The following CHRNE variants were observed in gnomAD, a reference collection of about 807,000 sequenced individuals.
CHRNE encodes the protein acetylcholine receptor subunit epsilon.
In CHRNE, 58 loss-of-function variants were observed where a neutral mutation model predicts 56.5. The observed-to-expected ratio is 1.03, with a 90% CI of 0.83 to 1.28. The LOEUF (loss-of-function observed/expected upper bound fraction) is 1.28, where lower values mean the gene tolerates loss of function less well. Ranked by LOEUF, CHRNE falls within the 50% of genes most tolerant of loss-of-function variation. The pLI is 0.00. For synonymous variants in CHRNE, 385 were observed against 297.9 expected, an observed-to-expected ratio of 1.29 and a Z score of -3.01; for missense variants, 793 against 688.9, an observed-to-expected ratio of 1.15 and a Z score of -1.69.
At chr17:4,908,055 A>G (rs7210187), upstream of CHRNE, among the ~76,000 whole-genome samples, 14,638 of 152,212 alleles carry the variant, frequency 0.096, 720 homozygotes, top group African/African-American at 0.11. Flanking sequence ...CTGTAATCCC[A>G]GCTACTCGGG....
chr17:4,901,467 A>C (rs1969981980), intron 6 of CHRNE, 58 bp downstream of exon 6: 1 of 1,518,078 alleles, frequency 6.6e-7, no homozygotes, highest in Non-Finnish European at 9.2e-7. Context: ...CCACCGTGGA[A>C]GTCCCCTCTC....
upstream of CHRNE, among the ~76,000 whole-genome samples, chr17:4,904,351 C>G (rs982892677): frequency 6.6e-6 from 1 of 152,124 alleles, no homozygotes. Context: ...GTGTGAGCCA[C>G]CACGCCCGGC....
In CHRNE at chr17:4,899,294, C is replaced by CCGA. The variant is rs1567636413; in HGVS notation, c.1120_1122dup (p.Ser374dup). 1 of 1,594,498 alleles carries CCGA rather than the reference C, an allele frequency of 6.3e-7. No homozygotes were observed. The highest frequency in any genetic ancestry group is 8.5e-7 in the Non-Finnish European group (1 of 1,176,020). On this transcript the variant is annotated inframe_insertion, in exon 10 of 12. Transcript: ENST00000649488. ...TCCTCCGCGCGGAGCAATAAGCCCA[C>CCGA]CGACGACGCCCGCCTTGGGGGCGAG...
At chr17:4,908,427 C>T (rs1970116590) in intron 1 of CHRNE, among the ~76,000 whole-genome samples, 1 of 152,072 alleles carries the variant, frequency 6.6e-6, no homozygotes, top group African/African-American at 2.4e-5. Context: ...TGCCACTTCC[C>T]ACATCACAGC....
upstream of CHRNE, among the ~76,000 whole-genome samples, chr17:4,906,156 T>G (rs957290097): frequency 2.6e-5 from 4 of 152,200 alleles, no homozygotes; most frequent in Non-Finnish European, 4.4e-5. Context: ...GCACTTTTGT[T>G]CCCGTTGCTA....
intron 8 of CHRNE, chr17:4,899,790 AC>A: frequency 1.3e-6 from 2 of 1,550,864 alleles, no homozygotes; most frequent in Non-Finnish European, 1.7e-6. Flanking sequence ...CTCCCTGGAC[AC>A]CCTGATGTGG....
intron 8 of CHRNE, 179 bp downstream of exon 8, chr17:4,900,614 T>A: frequency 1.3e-6 from 2 of 1,524,922 alleles, no homozygotes; most frequent in South Asian, 1.2e-5. Flanking sequence ...CCAGGTGACG[T>A]CCAGCAGCAG....
chr17:4,906,884 C>A (rs1377130949), upstream of CHRNE, among the ~76,000 whole-genome samples: 10 of 152,168 alleles, frequency 6.6e-5, no homozygotes, highest in Non-Finnish European at 1.2e-4. Context: ...GAGATCCTGT[C>A]ATTTGCAACA....
intron 5 of CHRNE, 116 bp from the exon 6 acceptor site, chr17:4,901,741 C>T (rs1969992963): frequency 2.4e-6 from 3 of 1,269,474 alleles, no homozygotes; most frequent in Middle Eastern, 2.6e-4. Context: ...ACCCCTTCAC[C>T]CAAGCCCAGC....
At chr17:4,906,777 G>A (rs549935441), upstream of CHRNE, among the ~76,000 whole-genome samples, 1 of 151,206 alleles carries the variant, frequency 6.6e-6, no homozygotes, top group African/African-American at 2.4e-5. Flanking sequence ...AGAGAAAACT[G>A]TTTAAAAAAA....
intron 9 of CHRNE, 27 bp downstream of exon 9, chr17:4,899,441 G>T (rs761459515): frequency 4.5e-6 from 7 of 1,560,202 alleles, no homozygotes; most frequent in Non-Finnish European, 6.1e-6. Context: ...ACCCCGACCC[G>T]GGCTGCACCG....
chr17:4,898,956 G>T, intron 11 of CHRNE, 45 bp downstream of exon 11: 1 of 1,558,704 alleles, frequency 6.4e-7, no homozygotes, highest in East Asian at 2.4e-5. Context: ...GGGAGACAGT[G>T]GTGGGCCTCT....
chr17:4,899,693 C>T lies in CHRNE; in HGVS notation c.918-111G>A, dbSNP rs916430553. 4 of 1,469,642 alleles carry T rather than the reference C, an allele frequency of 2.7e-6. No individual in the cohort carries two copies. The African/African-American group carries it at 4.2e-5, about 15-fold the overall frequency. The allele number at this position is 1,469,642 out of a possible 1,614,324, so 91.0% of individuals were successfully genotyped here. On this transcript the variant is annotated intron_variant, in intron 8 of 11. Coordinates refer to ENST00000649488, the MANE Select transcript of CHRNE (RefSeq NM_000080.4). ...CCTGGTACGGGCTGGTTACGCCCTC[C>T]AGCTGCGCCCCCTACACGACGACAG...
chr17:4,902,978 TC>T lies in CHRNE; in HGVS notation c.46+39del. 1 of 1,613,298 alleles carries T rather than the reference TC, an allele frequency of 6.2e-7. No homozygotes were observed. The highest frequency in any genetic ancestry group is 8.5e-7 in the Non-Finnish European group (1 of 1,179,338). On this transcript the variant is annotated intron_variant, in intron 1 of 11. Coordinates refer to ENST00000649488, the MANE Select transcript of CHRNE (RefSeq NM_000080.4). The surrounding 1 kb of genome is among the most constrained non-coding windows in gnomAD (Gnocchi z 4.0). Reference sequence around the variant, plus strand: ...TCTTCCCAGTCCCTTCATGTCAGTATCTGTGTGTGTCCAATTGCCCCTCTAG... The same window carrying T: ...TCTTCCCAGTCCCTTCATGTCAGTATTGTGTGTGTCCAATTGCCCCTCTAG...
At chr17:4,905,013 G>A (rs1207995041), upstream of CHRNE, among the ~76,000 whole-genome samples, 1 of 152,292 alleles carries the variant, frequency 6.6e-6, no homozygotes, top group East Asian at 1.9e-4. Context: ...GAGCTTCCGC[G>A]TCAAGGCTTG....
intron 1 of CHRNE, among the ~76,000 whole-genome samples, chr17:4,908,294 G>A (rs1040547315): frequency 5.3e-5 from 8 of 152,218 alleles, no homozygotes; most frequent in African/African-American, 1.7e-4. Context: ...AGTGGCCATG[G>A]GCCTCACACA....
chr17:4,907,566 CAAAAAAAAAAA>C (rs34317332), upstream of CHRNE, among the ~76,000 whole-genome samples: 1 of 61,066 alleles, frequency 1.6e-5, no homozygotes, highest in Non-Finnish European at 3.2e-5. Flanking sequence ...GACTCAGTCT[CAAAAAAAAAAA>C]AAAAAAAAAA....
intron 9 of CHRNE, 28 bp downstream of exon 9, chr17:4,899,440 C>A (rs776299084): frequency 1.9e-6 from 3 of 1,558,782 alleles, no homozygotes; most frequent in East Asian, 2.4e-5. Context: ...CACCCCGACC[C>A]GGGCTGCACC....
In CHRNE at chr17:4,901,835, G is replaced by A. The variant is rs1969996499; in HGVS notation, c.500+97C>T. Reference sequence around the variant, plus strand: ...CTACGCCTGGCTCCGCCTCCAGCGCGAAGCCCCGCCCCGAGGGCGGTGCTT... The same window carrying A: ...CTACGCCTGGCTCCGCCTCCAGCGCAAAGCCCCGCCCCGAGGGCGGTGCTT... On this transcript the variant is annotated intron_variant, in intron 5 of 11. Transcript: ENST00000649488. 6 of 1,557,744 alleles carry A rather than the reference G, an allele frequency of 3.9e-6. No homozygotes were observed. The African/African-American group carries it at 4.1e-5, about 11-fold the overall frequency.
Sources: gnomAD v4.1 joint callset for allele counts (sites outside exome capture counted in the v4.1 genomes callset) on GRCh38, gnomAD v4.1.1 for gene constraint, Gnocchi (gnomAD v3.1) non-coding constraint, MANE v1.5 for transcripts, NCBI Gene and HGNC (gene_info 2026-07-23, HGNC 2026-07-21) for gene names.